RYR2: variants seen among roughly 807,000 people sequenced by gnomAD.
RYR2 encodes the protein cardiac muscle ryanodine receptor-calcium release channel.
A neutral mutation model predicts 601.1 loss-of-function variants in RYR2; 227 were observed. That is an observed-to-expected ratio of 0.38 (90% CI 0.34 to 0.42). The LOEUF is 0.42. Among genes scored for constraint, RYR2 ranks in the 10% least tolerant of loss-of-function variants. The pLI, the probability that RYR2 is intolerant of heterozygous loss-of-function variation, is 1.00. For missense variants in RYR2, 4,646 were observed against 6,156.5 expected, an observed-to-expected ratio of 0.75 and a Z score of 8.21; for synonymous variants, 2,223 against 2,175.1, an observed-to-expected ratio of 1.02 and a Z score of -0.61.
chr1:237,657,201 A>T (rs1683330017), intron 53 of RYR2, among the ~76,000 whole-genome samples: 1 of 152,188 alleles, frequency 6.6e-6, no homozygotes, highest in African/African-American at 2.4e-5. Context: ...CTTCTTAAGT[A>T]TGTGTATGTC....
rs1245997957 is a variant in RYR2, at chr1:237,795,841, T to TATATATATATAC, written c.13956+518_13956+519insATACATATATAT. On this transcript the variant is annotated intron_variant, in intron 96 of 104. Coordinates refer to ENST00000366574, the MANE Select transcript of RYR2 (RefSeq NM_001035.3). ...AGGTATGTATGTGTGTGTGTGTATA[T>TATATATATATAC]ATATATATGTATATGTATATATATA... Among the ~76,000 whole-genome samples, 1,397 of 113,384 alleles carry TATATATATATAC rather than the reference T, an allele frequency of 0.012. 70 individuals are homozygous for TATATATATATAC. The East Asian group carries it at 0.18, about 14-fold the overall frequency. 74.4% of individuals were successfully genotyped at this position (113,384 alleles called of 152,430 possible). A position where few individuals can be genotyped will look rare whatever the true frequency, so the allele number is the denominator to read the frequency against.
At chr1:237,684,553 C>T (rs1686196650) in intron 62 of RYR2, among the ~76,000 whole-genome samples, 1 of 152,118 alleles carries the variant, frequency 6.6e-6, no homozygotes, top group Admixed American at 6.5e-5. Context: ...AATTTCAACT[C>T]TGGGTAGTTG....
rs917812872 is a variant in RYR2, at chr1:237,754,070, A to G, written c.11146-2218A>G. 4.6e-5 allele frequency among the ~76,000 whole-genome samples: 7 copies of G among 152,242 alleles called. No homozygotes were observed. The South Asian group carries it at 1.5e-3, about 32-fold the overall frequency. ...GCTTCCAATTTCAGTTCAACAAAGA[A>G]TAAATTCAACAGAGAGGTTGACTTG... On this transcript the variant is annotated intron_variant, in intron 80 of 104. Transcript: ENST00000366574.
chr1:237,044,789 T>C (rs1293790844), intron 1 of RYR2, among the ~76,000 whole-genome samples: 7 of 151,766 alleles, frequency 4.6e-5, no homozygotes, highest in Non-Finnish European at 1.0e-4. Context: ...ACCCCCCTTT[T>C]TTTTCTCTTA....
chr1:237,171,404 C>G (rs557652396), intron 1 of RYR2, among the ~76,000 whole-genome samples: 15 of 152,270 alleles, frequency 9.9e-5, no homozygotes, highest in South Asian at 2.1e-4. Context: ...GTTTGCCATA[C>G]ATCTAGAACT....
At chr1:237,608,219 A>G (rs1005662359) in intron 35 of RYR2, among the ~76,000 whole-genome samples, 2 of 152,120 alleles carry the variant, frequency 1.3e-5, no homozygotes, top group African/African-American at 4.8e-5. Context: ...TGAGGGCAGA[A>G]CTCTCAAGAA....
chr1:237,515,902 T>C (rs111927044), intron 24 of RYR2, among the ~76,000 whole-genome samples: 52,895 of 140,668 alleles, frequency 0.38, 10,069 homozygotes, highest in East Asian at 0.53. Flanking sequence ...CCTCTTCTCC[T>C]TCTCCCTCTT....
intron 1 of RYR2, among the ~76,000 whole-genome samples, chr1:237,120,581 T>C (rs1670661247): frequency 6.6e-6 from 1 of 152,200 alleles, no homozygotes; most frequent in Admixed American, 6.5e-5. Flanking sequence ...AGTAGCTTTG[T>C]GGCCTAAGGA....
At chr1:237,680,014 C>T (rs796472308) in intron 61 of RYR2, among the ~76,000 whole-genome samples, 3 of 152,256 alleles carry the variant, frequency 2.0e-5, no homozygotes, top group Non-Finnish European at 2.9e-5. Flanking sequence ...ATGTGACCTT[C>T]GGTAAGTCAC....
At chr1:237,745,866 G>T (rs1157182892) in intron 80 of RYR2, among the ~76,000 whole-genome samples, 1 of 151,986 alleles carries the variant, frequency 6.6e-6, no homozygotes, top group Non-Finnish European at 1.5e-5. Flanking sequence ...ACATTTATAG[G>T]TGTAATGCAG....
At chr1:237,219,071 G>C (rs1383811355) in intron 1 of RYR2, among the ~76,000 whole-genome samples, 2 of 149,052 alleles carry the variant, frequency 1.3e-5, no homozygotes, top group Admixed American at 6.8e-5. Flanking sequence ...GGAGTGCAGT[G>C]GTGCAATCTC....
intron 40 of RYR2, 43 bp downstream of exon 40, chr1:237,625,847 G>T: frequency 6.2e-7 from 1 of 1,601,222 alleles, no homozygotes; most frequent in South Asian, 1.1e-5. Flanking sequence ...CCCAACTGCT[G>T]ACACTTAACT....
chr1:237,241,228 G>A (rs183408245), intron 1 of RYR2, among the ~76,000 whole-genome samples: 25 of 152,290 alleles, frequency 1.6e-4, no homozygotes, highest in African/African-American at 5.3e-4. Context: ...TTGTACATCA[G>A]CATATCTATG....
chr1:237,789,477 T>C (rs1658085638), intron 92 of RYR2, among the ~76,000 whole-genome samples: 1 of 105,784 alleles, frequency 9.5e-6, no homozygotes, highest in African/African-American at 2.9e-5. Context: ...CTCTGAATAA[T>C]TCCTAATTTG....
intron 10 of RYR2, among the ~76,000 whole-genome samples, chr1:237,414,803 A>G (rs1370940277): frequency 6.6e-6 from 1 of 152,156 alleles, no homozygotes; most frequent in Non-Finnish European, 1.5e-5. Context: ...TTTAAATGAC[A>G]TTCTGTCATT....
rs147160194 is a variant in RYR2 at position 237,816,173 on chromosome 1, C to T, written c.14434-2863C>T. 3.4e-3 allele frequency among the ~76,000 whole-genome samples: 516 copies of T among 152,240 alleles called. 1 individual carries two copies. Among genetic ancestry groups the T allele is most frequent in the African/African-American group, 0.011 (445 of 41,544 alleles). On this transcript the variant is annotated intron_variant, in intron 100 of 104. Coordinates refer to ENST00000366574, the MANE Select transcript of RYR2 (RefSeq NM_001035.3). ...GGGGACCCAAGAGACCAGAACTTGA[C>T]ATGGAGGAGTACCAGTCCAGAACCA...
rs145204830 is a variant in RYR2, at chr1:237,578,155, G to A, written c.3598+8836G>A. On this transcript the variant is annotated intron_variant, in intron 29 of 104. Coordinates refer to ENST00000366574, the MANE Select transcript of RYR2 (RefSeq NM_001035.3). ...CAGGATTGTGTCTGTAGAGCTTTTGGGACTGATCTAGTAAGAAGAGGAGAA... is the reference window on the plus strand; with the variant it reads ...CAGGATTGTGTCTGTAGAGCTTTTGAGACTGATCTAGTAAGAAGAGGAGAA... Among the ~76,000 whole-genome samples the A allele has an allele frequency of 3.2e-3, 493 of 152,122 alleles. 2 individuals are homozygous for A. Among genetic ancestry groups the A allele is most frequent in the African/African-American group, 0.011 (464 of 41,490 alleles).
intron 66 of RYR2, 42 bp downstream of exon 66, chr1:237,702,101 C>A: frequency 9.2e-7 from 1 of 1,084,196 alleles, no homozygotes; most frequent in South Asian, 1.3e-5. Context: ...ATTGCTGCTT[C>A]AAGTTTTATA....
In RYR2 at chr1:237,833,602, A is replaced by G. The variant is rs753741464; in HGVS notation, c.*955A>G. On this transcript the variant is annotated 3_prime_UTR_variant, in exon 105 of 105. Coordinates refer to ENST00000366574, the MANE Select transcript of RYR2 (RefSeq NM_001035.3). Reference sequence around the variant, plus strand: ...CATAGTAATAAAGTGTCGTGGGCTTAATTGTATATCTGGAGCCAGTGTCAT... The same window carrying G: ...CATAGTAATAAAGTGTCGTGGGCTTGATTGTATATCTGGAGCCAGTGTCAT... 1.3e-5 allele frequency: 2 copies of G among 152,646 alleles called. No homozygotes were observed. Among genetic ancestry groups the G allele is most frequent in the Admixed American group, 1.3e-4 (2 of 15,278 alleles). The allele number at this position is 152,646 out of a possible 1,614,324, so 9.5% of individuals were successfully genotyped here.
Sources: gnomAD v4.1 joint callset for allele counts (sites outside exome capture counted in the v4.1 genomes callset) on GRCh38, gnomAD v4.1.1 for gene constraint, MANE v1.5 for transcripts, NCBI Gene and HGNC (gene_info 2026-07-23, HGNC 2026-07-21) for gene names.